The following FGF14 variants were observed in gnomAD, a reference collection of about 807,000 sequenced individuals.
FGF14 encodes the protein fibroblast growth factor homologous factor 4.
FGF14 carries 5 observed loss-of-function variants against 25.5 expected under a neutral mutation model. That is an observed-to-expected ratio of 0.20 (90% CI 0.10 to 0.41). FGF14 has a LOEUF of 0.41. Among genes scored for constraint, FGF14 ranks in the 10% least tolerant of loss-of-function variants. The probability of loss-of-function intolerance (pLI) is 1.00; values close to 1 mark genes in which losing one functional copy is unlikely to be tolerated. For synonymous variants in FGF14, 138 were observed against 118.3 expected (o/e 1.17, Z -1.08); for missense variants, 222 against 320.1 (o/e 0.69, Z 2.34).
At chr13:102,312,222 CA>C (rs34575465) in intron 1 of FGF14, among the ~76,000 whole-genome samples, 27,027 of 96,784 alleles carry the variant, frequency 0.28, 2,466 homozygotes, top group Middle Eastern at 0.38. Flanking sequence ...AGACCTAAAC[CA>C]AAAAAAAAAA....
intron 1 of FGF14, among the ~76,000 whole-genome samples, chr13:102,270,022 T>C (rs1360434807): frequency 6.6e-6 from 1 of 152,186 alleles, no homozygotes; most frequent in Non-Finnish European, 1.5e-5. Context: ...GTACTGTGCC[T>C]GAGCAAGTTT....
rs191352121 is a variant in FGF14, at chr13:101,903,839, A to G, written c.193+12614T>C. 2.7e-3 allele frequency among the ~76,000 whole-genome samples: 415 copies of G among 152,252 alleles called. 3 individuals are homozygous for G. Among genetic ancestry groups the G allele is most frequent in the Non-Finnish European group, 2.1e-3 (146 of 68,022 alleles). Reference sequence around the variant, plus strand: ...TCTAGAGGACAGTCCTGTTCTCCAGAGGGCCTTTTGTGTTTGTTTGCTTGT... The same window carrying G: ...TCTAGAGGACAGTCCTGTTCTCCAGGGGGCCTTTTGTGTTTGTTTGCTTGT... On this transcript the variant is annotated intron_variant, in intron 1 of 4. Transcript: ENST00000376143.
At chr13:101,732,758 C>T (rs2035895474) in intron 3 of FGF14, among the ~76,000 whole-genome samples, 1 of 152,134 alleles carries the variant, frequency 6.6e-6, no homozygotes, top group Non-Finnish European at 1.5e-5. Flanking sequence ...AAGTGCAACT[C>T]AAATGTTGTT....
At chr13:102,233,626 C>A (rs1013196472) in intron 1 of FGF14, among the ~76,000 whole-genome samples, 2 of 152,074 alleles carry the variant, frequency 1.3e-5, no homozygotes, top group Admixed American at 6.6e-5. Context: ...TGGTGCAACT[C>A]CCTAATTCTG....
chr13:102,018,428 T>G (rs4482136), intron 1 of FGF14, among the ~76,000 whole-genome samples: 4,872 of 152,232 alleles, frequency 0.032, 252 homozygotes, highest in African/African-American at 0.11. Context: ...CTTCCTCCTC[T>G]GGCTCAGAAT....
At chr13:102,002,740 T>C (rs1050879821) in intron 1 of FGF14, 1 of 152,288 alleles carries the variant, frequency 6.6e-6, no homozygotes, top group Non-Finnish European at 1.5e-5. Context: ...AGGAGCAATA[T>C]AACTGCTAAG....
chr13:102,301,608 C>T (rs1221049894), intron 1 of FGF14, among the ~76,000 whole-genome samples: 1 of 152,012 alleles, frequency 6.6e-6, no homozygotes, highest in Non-Finnish European at 1.5e-5. Flanking sequence ...CTTGCTTTAC[C>T]CATTCCCTCT....
intron 1 of FGF14, among the ~76,000 whole-genome samples, chr13:101,922,727 T>C (rs1292308464): frequency 2.0e-5 from 3 of 152,080 alleles, no homozygotes; most frequent in African/African-American, 7.2e-5. Context: ...TTTTTCCTAT[T>C]GCATTCTGAG....
chr13:102,128,860 A>G (rs1245938504), intron 1 of FGF14, among the ~76,000 whole-genome samples: 1 of 152,174 alleles, frequency 6.6e-6, no homozygotes, highest in Non-Finnish European at 1.5e-5. Context: ...AGGCAGGCGG[A>G]TCACTTGAGG....
intron 1 of FGF14, among the ~76,000 whole-genome samples, chr13:102,219,842 A>G (rs528910084): frequency 6.6e-6 from 1 of 152,170 alleles, no homozygotes; most frequent in Non-Finnish European, 1.5e-5. Context: ...ACCCAGGGAC[A>G]TTACTTGTAT....
chr13:101,724,654 A>C (rs995204730), intron 4 of FGF14, among the ~76,000 whole-genome samples: 19 of 115,800 alleles, frequency 1.6e-4, no homozygotes, highest in African/African-American at 5.7e-4. Flanking sequence ...TGAATGCCCT[A>C]GAGTACCAAT....
intron 3 of FGF14, among the ~76,000 whole-genome samples, chr13:101,833,119 G>A (rs2042757908): frequency 6.6e-6 from 1 of 151,998 alleles, no homozygotes; most frequent in African/African-American, 2.4e-5. Context: ...CTCATGTCAG[G>A]CCAGGGTGGG....
chr13:101,759,663 ATAACT>A (rs1407226959), intron 3 of FGF14, among the ~76,000 whole-genome samples: 3 of 152,182 alleles, frequency 2.0e-5, no homozygotes, highest in Admixed American at 6.6e-5. Flanking sequence ...TCCTGGGAAA[ATAACT>A]TAATCTTTTG....
chr13:101,876,120 G>A (rs763947508), intron 1 of FGF14, among the ~76,000 whole-genome samples: 1 of 152,152 alleles, frequency 6.6e-6, no homozygotes, highest in African/African-American at 2.4e-5. Context: ...AAACAAAAAG[G>A]GAAATCATGT....
At chr13:101,765,837 C>T (rs73568279) in intron 3 of FGF14, among the ~76,000 whole-genome samples, 2,119 of 152,216 alleles carry the variant, frequency 0.014, 68 homozygotes, top group African/African-American at 0.048. Flanking sequence ...TCAAGCTTCT[C>T]CTGCCCTCAG....
intron 1 of FGF14, among the ~76,000 whole-genome samples, chr13:102,391,380 T>C (rs945365811): frequency 6.6e-6 from 1 of 152,200 alleles, no homozygotes; most frequent in Non-Finnish European, 1.5e-5. Context: ...GAGTCACATC[T>C]GCCACACATG....
At chr13:101,808,473 C>G (rs1447846376) in intron 3 of FGF14, among the ~76,000 whole-genome samples, 1 of 152,072 alleles carries the variant, frequency 6.6e-6, no homozygotes, top group Non-Finnish European at 1.5e-5. Context: ...TTTGTCATAT[C>G]TTTAAAAATT....
chr13:101,954,468 T>G (rs73567897), intron 1 of FGF14, among the ~76,000 whole-genome samples: 2,178 of 152,294 alleles, frequency 0.014, 57 homozygotes, highest in African/African-American at 0.05. Context: ...AGCAAGGCCA[T>G]GTTAGGATTT....
At chr13:102,195,200 T>A (rs996352493) in intron 1 of FGF14, among the ~76,000 whole-genome samples, 1 of 152,176 alleles carries the variant, frequency 6.6e-6, no homozygotes, top group African/African-American at 2.4e-5. Flanking sequence ...GACGTAACAA[T>A]ATAAATAAGC....
Sources: gnomAD v4.1 joint callset for allele counts (sites outside exome capture counted in the v4.1 genomes callset) on GRCh38, gnomAD v4.1.1 for gene constraint, MANE v1.5 for transcripts, NCBI Gene and HGNC (gene_info 2026-07-23, HGNC 2026-07-21) for gene names.